ADIPOQ: variants seen among roughly 807,000 people sequenced by gnomAD.
The protein encoded by ADIPOQ is adiponectin.
ADIPOQ carries 19 observed loss-of-function variants against 16.1 expected under a neutral mutation model. That is an observed-to-expected ratio of 1.18 (90% CI 0.82 to 1.73). The LOEUF (loss-of-function observed/expected upper bound fraction) is 1.73. ADIPOQ is among the 40% of genes most tolerant of loss of function. ADIPOQ has a pLI of 0.00. For missense variants in ADIPOQ, 323 were observed against 308.3 expected (o/e 1.05, Z -0.36); for synonymous variants, 124 against 125.5 (o/e 0.99, Z 0.08).
At chr3:186,844,015 C>T (rs971125871) in intron 1 of ADIPOQ, among the ~76,000 whole-genome samples, 3 of 152,138 alleles carry the variant, frequency 2.0e-5, no homozygotes, top group African/African-American at 4.8e-5. Flanking sequence ...CTAGGAACTC[C>T]GCTAGAAGGA....
At chr3:186,844,653 C>T (rs774263137) in intron 1 of ADIPOQ, among the ~76,000 whole-genome samples, 40 of 152,144 alleles carry the variant, frequency 2.6e-4, no homozygotes, top group Non-Finnish European at 4.7e-4. Flanking sequence ...AAGTGACCCT[C>T]CCATCTTAGC....
At chr3:186,846,198 G>T (rs1430533493) in intron 1 of ADIPOQ, among the ~76,000 whole-genome samples, 1 of 151,916 alleles carries the variant, frequency 6.6e-6, no homozygotes, top group East Asian at 1.9e-4. Context: ...CAAGGCAGGG[G>T]TGAGGTGATT....
chr3:186,853,636 C>T, intron 2 of ADIPOQ: 1 of 301,008 alleles, frequency 3.3e-6, no homozygotes, highest in South Asian at 3.9e-5. Context: ...CTCAGTCCTG[C>T]CTTTGGGGAA....
rs893764444 is a variant in ADIPOQ, at chr3:186,856,252, C to G, written c.*1548C>G. On this transcript the variant is annotated 3_prime_UTR_variant, in exon 3 of 3. Coordinates refer to ENST00000320741, the MANE Select transcript of ADIPOQ (RefSeq NM_004797.4). ...GGTTGAGGTAGTTGATGGTGGTAAA[C>G]ATTCTCTCAGGAGACAATAACTCCA... 6.6e-6 allele frequency: 1 copy of G among 152,200 alleles called. No homozygotes were observed. The highest frequency in any genetic ancestry group is 2.4e-5 in the African/African-American group (1 of 41,458). The allele number at this position is 152,200 out of a possible 1,614,324, so 9.4% of individuals were successfully genotyped here. A position where few individuals can be genotyped will look rare whatever the true frequency, so the allele number is the denominator to read the frequency against.
intron 1 of ADIPOQ, among the ~76,000 whole-genome samples, chr3:186,845,080 ACACT>A (rs1187970629): frequency 1.3e-5 from 2 of 151,312 alleles, no homozygotes; most frequent in Admixed American, 1.3e-4. Flanking sequence ...GCGCGCGCGC[ACACT>A]CATTTGGATG....
At position 186,854,577 on chromosome 3, in the gene ADIPOQ, T is replaced by C. The variant is rs1412306793; in HGVS notation, c.608T>C (p.Leu203Pro). The part of the protein sequence containing the change: ...NVDQASGSVL[L>P]HLEVGDQVWL... ...GACCAGGCCTCCGGCTCTGTGCTCC[T>C]GCATCTGGAGGTGGGCGACCAAGTC... Residue 203 changes from leucine to proline, a missense_variant, in exon 3 of 3, where the codon CTG (leucine) becomes CCG (proline). Physicochemically the swap from Leu to Pro is moderately conservative, Grantham distance 98 (BLOSUM62 -3). Transcript: ENST00000320741. 4 of 1,613,928 alleles carry C rather than the reference T, an allele frequency of 2.5e-6. No homozygotes were observed. The highest frequency in any genetic ancestry group is 3.4e-6 in the Non-Finnish European group (4 of 1,179,884).
Position 186,854,989 on chromosome 3 carries a change from C to T in ADIPOQ, c.*285C>T. The T allele has an allele frequency of 2.2e-6, 1 of 464,244 alleles. No homozygotes were observed. The highest frequency in any genetic ancestry group is 3.9e-6 in the Non-Finnish European group (1 of 254,028). 28.8% of individuals were successfully genotyped at this position (464,244 alleles called of 1,614,324 possible). ...GTCTCTCCTGATGCTCATATCAATC[C>T]TATAAGGCACAGGGAACAAGCATTC... is the stretch of plus-strand genomic sequence containing the variant. On this transcript the variant is annotated 3_prime_UTR_variant, in exon 3 of 3. Transcript: ENST00000320741.
intron 1 of ADIPOQ, among the ~76,000 whole-genome samples, chr3:186,845,790 TG>T (rs1711561137): frequency 6.6e-6 from 1 of 152,206 alleles, no homozygotes; most frequent in Non-Finnish European, 1.5e-5. Context: ...AGCAGGGCTA[TG>T]GGAAGATTAA....
rs201139232 is a variant in ADIPOQ, at chr3:186,854,980, A to G, written c.*276A>G. ...GTGCCCACTGTCTCTCCTGATGCTC[A>G]TATCAATCCTATAAGGCACAGGGAA... On this transcript the variant is annotated 3_prime_UTR_variant, in exon 3 of 3. Transcript: ENST00000320741. The G allele has an allele frequency of 1.2e-5, 6 of 484,020 alleles. No individual in the cohort carries two copies. Among genetic ancestry groups the G allele is most frequent in the Non-Finnish European group, 2.3e-5 (6 of 266,452 alleles). 30.0% of individuals were successfully genotyped at this position (484,020 alleles called of 1,614,324 possible).
intron 2 of ADIPOQ, chr3:186,853,632 C>T: frequency 3.3e-6 from 1 of 307,344 alleles, no homozygotes; most frequent in South Asian, 3.7e-5. Flanking sequence ...AAGGCTCAGT[C>T]CTGCCTTTGG....
At chr3:186,846,783 A>G (rs867832845) in intron 1 of ADIPOQ, among the ~76,000 whole-genome samples, 5 of 152,210 alleles carry the variant, frequency 3.3e-5, no homozygotes, top group Admixed American at 6.5e-5. Context: ...ATCCCCTGGT[A>G]TAATTTTAAA....
intron 1 of ADIPOQ, among the ~76,000 whole-genome samples, chr3:186,850,713 A>G (rs1711722706): frequency 6.6e-6 from 1 of 152,092 alleles, no homozygotes; most frequent in South Asian, 2.1e-4. Context: ...ACTAGCACTC[A>G]CTCTGAGACG....
intron 1 of ADIPOQ, among the ~76,000 whole-genome samples, chr3:186,849,932 T>C (rs1329438937): frequency 3.3e-5 from 5 of 151,914 alleles, no homozygotes; most frequent in African/African-American, 4.8e-5. Context: ...AGAAGAAAAT[T>C]GAATACTTAC....
intron 1 of ADIPOQ, among the ~76,000 whole-genome samples, chr3:186,846,290 G>T (rs1711575874): frequency 6.6e-6 from 1 of 151,130 alleles, no homozygotes; most frequent in Non-Finnish European, 1.5e-5. Flanking sequence ...CTGTCACCCA[G>T]GTTGGAGTGC....
Position 186,854,658 on chromosome 3 carries a change from A to G in ADIPOQ, c.689A>G (p.Asn230Ser), listed in dbSNP as rs1457941822. ...ERNGLYADND[N>S]DSTFTGFLLY... The stretch of plus-strand genomic sequence containing the variant: ...AATGGACTCTATGCTGATAATGACA[A>G]TGACTCCACCTTCACAGGCTTTCTT... Residue 230 changes from asparagine to serine, a missense_variant, in exon 3 of 3, where the codon AAT (asparagine) becomes AGT (serine). Asn to Ser is a conservative substitution (Grantham distance 46). Coordinates refer to ENST00000320741, the MANE Select transcript of ADIPOQ (RefSeq NM_004797.4). The G allele has an allele frequency of 1.9e-6, 3 of 1,614,064 alleles. No individual in the cohort carries two copies. In the Admixed American group the frequency reaches 5.0e-5, roughly 27 times the overall value.
At chr3:186,847,002 G>A (rs976687575) in intron 1 of ADIPOQ, among the ~76,000 whole-genome samples, 4 of 152,152 alleles carry the variant, frequency 2.6e-5, no homozygotes, top group African/African-American at 7.2e-5. Context: ...TTTAATTTCC[G>A]ACTCCTCTCT....
intron 1 of ADIPOQ, among the ~76,000 whole-genome samples, chr3:186,844,083 AT>A (rs1711515907): frequency 6.6e-6 from 1 of 152,174 alleles, no homozygotes; most frequent in African/African-American, 2.4e-5. Context: ...CTAGCAGAAT[AT>A]GTCCGAAGGA....
rs1435536335 is a variant in ADIPOQ, at chr3:186,854,497, CAAG to C, written c.532_534del (p.Lys178del). ...TGAAGGATGTGAAGGTCAGCCTCTT[CAAG>C]AAGGACAAGGCTATGCTCTTCACCT... On this transcript the variant is annotated inframe_deletion, in exon 3 of 3. Transcript: ENST00000320741. The C allele has an allele frequency of 2.5e-6, 4 of 1,614,094 alleles. No homozygotes were observed. The highest frequency in any genetic ancestry group is 2.7e-5 in the African/African-American group (2 of 74,942).
chr3:186,854,124 G>A (rs1711890166), intron 2 of ADIPOQ, 60 bp from the exon 3 acceptor site: 1 of 1,570,060 alleles, frequency 6.4e-7, no homozygotes, highest in Non-Finnish European at 8.6e-7. Context: ...AATTTAGGCT[G>A]TAACCAACCT....
Sources: allele counts gnomAD v4.1 joint callset (sites outside exome capture counted in the v4.1 genomes callset), GRCh38; gene constraint gnomAD v4.1.1; transcripts MANE v1.5; gene names NCBI Gene and HGNC (gene_info 2026-07-23, HGNC 2026-07-21).